The following DNAH14 variants were observed in gnomAD, a reference collection of about 807,000 sequenced individuals.
The protein encoded by DNAH14 is dynein axonemal heavy chain 14.
A neutral mutation model predicts 520.9 loss-of-function variants in DNAH14; 478 were observed. The ratio of observed to expected loss-of-function variants is 0.92; its 90% CI spans 0.85 to 0.99. DNAH14 has a LOEUF of 0.99. DNAH14 is among the 50% of genes least tolerant of loss of function. The pLI is 0.00. For synonymous variants in DNAH14, 1,581 were observed against 1,757.2 expected, an observed-to-expected ratio of 0.90 and a Z score of 2.51; for missense variants, 4,831 against 5,234.5, an observed-to-expected ratio of 0.92 and a Z score of 2.38.
intron 48 of DNAH14, 76 bp from the exon 49 acceptor site, chr1:225,266,565 A>G: frequency 8.6e-7 from 1 of 1,162,618 alleles, no homozygotes; most frequent in Non-Finnish European, 1.1e-6. Flanking sequence ...GCTTACCCCA[A>G]CCATAATATT....
At chr1:225,380,668 T>C (rs1264418538) in intron 80 of DNAH14, among the ~76,000 whole-genome samples, 1 of 152,162 alleles carries the variant, frequency 6.6e-6, no homozygotes, top group African/African-American at 2.4e-5. Flanking sequence ...GAAGTTTAGA[T>C]GGACCTTCTG....
intron 27 of DNAH14, among the ~76,000 whole-genome samples, chr1:225,126,904 T>C (rs935779425): frequency 2.6e-4 from 40 of 152,016 alleles, no homozygotes; most frequent in African/African-American, 9.7e-4. Context: ...TCTGGTATGT[T>C]GTGTCTTAGT....
chr1:225,370,883 CAAAT>C (rs901593330), intron 77 of DNAH14, among the ~76,000 whole-genome samples: 2 of 151,852 alleles, frequency 1.3e-5, no homozygotes, highest in Non-Finnish European at 2.9e-5. Context: ...TTTGATAAGA[CAAAT>C]AAAATTTGAA....
intron 79 of DNAH14, 125 bp from the exon 80 acceptor site, chr1:225,380,034 A>G: frequency 1.0e-6 from 1 of 976,668 alleles, no homozygotes; most frequent in Non-Finnish European, 1.5e-6. Flanking sequence ...TACTCATCCT[A>G]CAGTGGTATA....
chr1:225,026,823 C>T (rs2066153517), intron 11 of DNAH14, among the ~76,000 whole-genome samples: 1 of 152,076 alleles, frequency 6.6e-6, no homozygotes. Flanking sequence ...ATAGAGGCAG[C>T]ATTAAAACTG....
chr1:225,042,341 C>A lies in DNAH14; in HGVS notation c.1489-494C>A, dbSNP rs565467636. 1.2e-4 allele frequency among the ~76,000 whole-genome samples: 18 copies of A among 152,218 alleles called. No individual in the cohort carries two copies. The South Asian group carries it at 3.7e-3, about 32-fold the overall frequency. ...ATTTACATAAATGAGATATTTATCC[C>A]CTAGTGTTTTTCACTGGAGATGTCC... is the stretch of plus-strand genomic sequence containing the variant. On this transcript the variant is annotated intron_variant, in intron 12 of 85. Transcript: ENST00000682510.
intron 55 of DNAH14, among the ~76,000 whole-genome samples, chr1:225,290,588 T>C (rs2093845579): frequency 6.8e-6 from 1 of 146,724 alleles, no homozygotes; most frequent in African/African-American, 2.5e-5. Context: ...ATTTTTGTCA[T>C]ATATATATGT....
intron 12 of DNAH14, 25 bp downstream of exon 12, chr1:225,038,848 A>G: frequency 6.9e-7 from 1 of 1,444,446 alleles, no homozygotes; most frequent in Non-Finnish European, 9.2e-7. Flanking sequence ...GAAAAATATA[A>G]ACATAGATTT....
At chr1:225,097,665 T>A (rs989536230) in intron 22 of DNAH14, among the ~76,000 whole-genome samples, 4 of 151,852 alleles carry the variant, frequency 2.6e-5, no homozygotes, top group African/African-American at 7.3e-5. Flanking sequence ...TCCCAGCTAC[T>A]CGGGAGGCTG....
chr1:224,986,535 T>C (rs773513541), intron 8 of DNAH14, among the ~76,000 whole-genome samples: 9 of 146,970 alleles, frequency 6.1e-5, no homozygotes, highest in Non-Finnish European at 1.3e-4. Context: ...TGCAAAGCAA[T>C]CAATGTGAAA....
chr1:225,254,888 C>T (rs2092684335), intron 44 of DNAH14, among the ~76,000 whole-genome samples: 1 of 152,142 alleles, frequency 6.6e-6, no homozygotes. Flanking sequence ...TGTTTCAACT[C>T]ACGTCATGGT....
At chr1:225,241,015 G>A (rs1217899132) in intron 43 of DNAH14, among the ~76,000 whole-genome samples, 193 bp downstream of exon 43, 1 of 152,098 alleles carries the variant, frequency 6.6e-6, no homozygotes. Context: ...GGTTTTAGGT[G>A]CTACGAAAAC....
chr1:225,001,033 A>G (rs1206586464), intron 8 of DNAH14, among the ~76,000 whole-genome samples: 1 of 151,956 alleles, frequency 6.6e-6, no homozygotes, highest in Non-Finnish European at 1.5e-5. Flanking sequence ...TGGCTGGAAT[A>G]GAATAGTTAT....
At chr1:225,383,899 A>T (rs139772347) in intron 81 of DNAH14, among the ~76,000 whole-genome samples, 11 of 152,214 alleles carry the variant, frequency 7.2e-5, no homozygotes, top group Middle Eastern at 3.4e-3. Flanking sequence ...TCCCCTACAC[A>T]TTGCTTTAAA....
At chr1:225,171,850 C>T (rs1048663155) in intron 36 of DNAH14, among the ~76,000 whole-genome samples, 7 of 151,654 alleles carry the variant, frequency 4.6e-5, no homozygotes, top group Non-Finnish European at 8.8e-5. Flanking sequence ...TGATGAACAT[C>T]GATGCAAAAA....
At chr1:225,329,528 A>G (rs1004306309) in intron 64 of DNAH14, among the ~76,000 whole-genome samples, 43 of 152,156 alleles carry the variant, frequency 2.8e-4, no homozygotes, top group African/African-American at 9.9e-4. Context: ...TGTAATCAAG[A>G]TAAGTGATAA....
At chr1:224,997,347 C>A (rs1359459711) in intron 8 of DNAH14, among the ~76,000 whole-genome samples, 3 of 152,126 alleles carry the variant, frequency 2.0e-5, no homozygotes, top group Admixed American at 6.5e-5. Context: ...GAAATTTTTT[C>A]TTTGTTGAAC....
intron 52 of DNAH14, among the ~76,000 whole-genome samples, chr1:225,273,394 G>A (rs1265989153): frequency 6.6e-6 from 1 of 152,214 alleles, no homozygotes; most frequent in African/African-American, 2.4e-5. Context: ...AGCCGAGATC[G>A]CACCAGTGCA....
intron 23 of DNAH14, among the ~76,000 whole-genome samples, chr1:225,115,779 A>C (rs909466227): frequency 6.6e-6 from 1 of 152,152 alleles, no homozygotes; most frequent in Non-Finnish European, 1.5e-5. Flanking sequence ...ATAGCTTTCC[A>C]TTTATTCATG....
Sources: gnomAD v4.1 joint callset for allele counts (sites outside exome capture counted in the v4.1 genomes callset) on GRCh38, gnomAD v4.1.1 for gene constraint, MANE v1.5 for transcripts, NCBI Gene and HGNC (gene_info 2026-07-23, HGNC 2026-07-21) for gene names.